MRTFA: variants seen among roughly 807,000 people sequenced by gnomAD.
The protein encoded by MRTFA is myocardin-related transcription factor A.
In MRTFA, 20 loss-of-function variants were observed where a neutral mutation model predicts 83.5. The observed-to-expected ratio is 0.24, with a 90% confidence interval of 0.17 to 0.35. The LOEUF is 0.35. MRTFA is among the 10% of genes least tolerant of loss of function. The pLI is 1.00. For missense variants in MRTFA, 1,200 were observed against 1,224.7 expected (o/e 0.98, Z 0.30); for synonymous variants, 659 against 541.2 (o/e 1.22, Z -3.02).
At chr22:40,453,129 C>A (rs2053525297) in intron 4 of MRTFA, among the ~76,000 whole-genome samples, 1 of 152,200 alleles carries the variant, frequency 6.6e-6, no homozygotes, top group African/African-American at 2.4e-5. Flanking sequence ...ATACCTAACA[C>A]AATTTTCTCT....
intron 1 of MRTFA, among the ~76,000 whole-genome samples, chr22:40,605,182 T>A (rs1249382866): frequency 6.6e-6 from 1 of 152,170 alleles, no homozygotes; most frequent in Non-Finnish European, 1.5e-5. Context: ...ACCCACCATA[T>A]GCTAACATAC....
At chr22:40,465,792 T>C (rs1315936142) in intron 3 of MRTFA, among the ~76,000 whole-genome samples, 1 of 152,102 alleles carries the variant, frequency 6.6e-6, no homozygotes, top group Non-Finnish European at 1.5e-5. Flanking sequence ...CTTGAACTCC[T>C]GGGCTGAAGT....
At chr22:40,541,730 G>A (rs1839356307) in intron 3 of MRTFA, among the ~76,000 whole-genome samples, 1 of 152,006 alleles carries the variant, frequency 6.6e-6, no homozygotes. Context: ...GCAGTGGCGC[G>A]GTCTCGGCTC....
At chr22:40,508,921 G>C (rs2054625112) in intron 3 of MRTFA, among the ~76,000 whole-genome samples, 1 of 151,936 alleles carries the variant, frequency 6.6e-6, no homozygotes, top group African/African-American at 2.4e-5. Flanking sequence ...TTAACAAGGT[G>C]CTGGTATCAA....
intron 2 of MRTFA, among the ~76,000 whole-genome samples, chr22:40,565,332 A>C (rs981630416): frequency 6.6e-6 from 1 of 152,168 alleles, no homozygotes; most frequent in Non-Finnish European, 1.5e-5. Context: ...GGACCACTTG[A>C]GATCAGGAGT....
At chr22:40,544,637 G>A (rs1011659888) in intron 3 of MRTFA, among the ~76,000 whole-genome samples, 3 of 152,180 alleles carry the variant, frequency 2.0e-5, no homozygotes, top group African/African-American at 7.2e-5. Context: ...CTAGTATTCC[G>A]GATATTTAAA....
chr22:40,414,150 G>C (rs1386596351), intron 14 of MRTFA, among the ~76,000 whole-genome samples: 1 of 152,206 alleles, frequency 6.6e-6, no homozygotes, highest in Admixed American at 6.5e-5. Context: ...ACCAGCCTGG[G>C]CAACACAGTG....
Position 40,411,555 on chromosome 22 carries a change from G to GC in MRTFA, c.2930dup (p.Leu978ProfsTer5). 1 of 1,613,746 alleles carries GC rather than the reference G, an allele frequency of 6.2e-7. No individual in the cohort carries two copies. The highest frequency in any genetic ancestry group is 8.5e-7 in the Non-Finnish European group (1 of 1,179,906). On this transcript the variant is annotated frameshift_variant, in exon 15 of 15. Transcript: ENST00000355630. LOFTEE classifies it high-confidence loss of function. ...CCAGGTGGCCATCAGCCAGGTCCAGGCCCATGGTGCTGCTGGGCTCAGGAA... is the reference window on the plus strand; with the variant it reads ...CCAGGTGGCCATCAGCCAGGTCCAGGCCCCATGGTGCTGCTGGGCTCAGGAA...
At chr22:40,621,454 G>A (rs984951293) in intron 1 of MRTFA, among the ~76,000 whole-genome samples, 26 of 152,146 alleles carry the variant, frequency 1.7e-4, no homozygotes. Flanking sequence ...GTGGTTCACA[G>A]GGGCTGGGGA....
chr22:40,630,132 T>C (rs2056626793), intron 1 of MRTFA, among the ~76,000 whole-genome samples: 1 of 151,858 alleles, frequency 6.6e-6, no homozygotes, highest in Non-Finnish European at 1.5e-5. Context: ...GGCCAACATA[T>C]AGTGAAACCC....
chr22:40,430,821 A>G (rs1164691897), intron 6 of MRTFA, among the ~76,000 whole-genome samples: 1 of 143,640 alleles, frequency 7.0e-6, no homozygotes, highest in East Asian at 2.2e-4. Context: ...TGATCACACT[A>G]CTGCACTCCA....
At chr22:40,623,326 T>TA (rs887664341) in intron 1 of MRTFA, among the ~76,000 whole-genome samples, 21 of 152,228 alleles carry the variant, frequency 1.4e-4, no homozygotes, top group South Asian at 4.1e-4. Flanking sequence ...GTCTTTTTTT[T>TA]TTATTATTAT....
chr22:40,472,038 C>G (rs1431549966), intron 3 of MRTFA, among the ~76,000 whole-genome samples: 2 of 152,128 alleles, frequency 1.3e-5, no homozygotes, highest in Non-Finnish European at 2.9e-5. Flanking sequence ...GCCTTATTAA[C>G]ATAGTCACAA....
chr22:40,442,244 A>G (rs1403365893), intron 4 of MRTFA, among the ~76,000 whole-genome samples: 1 of 152,218 alleles, frequency 6.6e-6, no homozygotes, highest in Non-Finnish European at 1.5e-5. Context: ...TTATCGTAAT[A>G]AAAATGATGG....
At chr22:40,462,257 T>C (rs1308874367) in intron 4 of MRTFA, among the ~76,000 whole-genome samples, 1 of 152,228 alleles carries the variant, frequency 6.6e-6, no homozygotes, top group Non-Finnish European at 1.5e-5. Flanking sequence ...CCCTTCTAAA[T>C]ATAAATCACC....
chr22:40,584,673 T>C (rs2056001006), intron 2 of MRTFA, among the ~76,000 whole-genome samples: 1 of 145,906 alleles, frequency 6.9e-6, no homozygotes, highest in Non-Finnish European at 1.5e-5. Flanking sequence ...GAGGTTGTGG[T>C]GAGCCAAAAT....
intron 2 of MRTFA, among the ~76,000 whole-genome samples, chr22:40,586,245 A>G (rs1352530249): frequency 4.6e-5 from 7 of 151,882 alleles, no homozygotes; most frequent in Admixed American, 6.6e-5. Context: ...GATCTGCCAA[A>G]CAAATACATC....
chr22:40,621,037 C>G (rs1316963949), intron 1 of MRTFA, among the ~76,000 whole-genome samples: 1 of 151,884 alleles, frequency 6.6e-6, no homozygotes, highest in Non-Finnish European at 1.5e-5. Context: ...AAAAATGAGC[C>G]AAGTCTGGTG....
Position 40,419,040 on chromosome 22 carries a change from G to C in MRTFA, c.1698C>G (p.Gly566=). The change falls in exon 12 of 15, where the codon GGC becomes GGG. Residue 566 remains glycine (G), a synonymous_variant. Transcript: ENST00000355630. The stretch of plus-strand genomic sequence containing the variant: ...TGTCCCCGGGGGTGGAGTTTTCATC[G>C]CCCGTGCTGAGCAGTGAGCGCTCCG... 6.2e-7 allele frequency: 1 copy of C among 1,612,084 alleles called. No individual in the cohort carries two copies. Among genetic ancestry groups the C allele is most frequent in the Non-Finnish European group, 8.5e-7 (1 of 1,179,648 alleles).
Sources: gnomAD v4.1 joint callset for allele counts (sites outside exome capture counted in the v4.1 genomes callset) on GRCh38, gnomAD v4.1.1 for gene constraint, MANE v1.5 for transcripts, NCBI Gene and HGNC (gene_info 2026-07-23, HGNC 2026-07-21) for gene names.